MAPK10: variants seen among roughly 807,000 people sequenced by gnomAD.
MAPK10 encodes the protein mitogen-activated protein kinase 10.
In MAPK10, 25 loss-of-function variants were observed where a neutral mutation model predicts 59.3. The ratio of observed to expected loss-of-function variants is 0.42; its 90% CI spans 0.31 to 0.59. MAPK10 has a LOEUF of 0.59. Ranked by LOEUF, MAPK10 falls within the 20% of genes least tolerant of loss-of-function variation. MAPK10 has a pLI of 0.15. For synonymous variants in MAPK10, 190 were observed against 200.5 expected, an observed-to-expected ratio of 0.95 and a Z score of 0.44; for missense variants, 351 against 568.9, an observed-to-expected ratio of 0.62 and a Z score of 3.90.
chr4:86,272,130 G>T (rs1245992817), intron 2 of MAPK10, among the ~76,000 whole-genome samples: 2 of 151,976 alleles, frequency 1.3e-5, no homozygotes, highest in African/African-American at 4.8e-5. Context: ...TAGGATAATG[G>T]CCTCCAGTTG....
rs61747621 is a variant in MAPK10 at position 86,064,296 on chromosome 4, G to A, written c.1080C>T (p.Asn360=). The A allele has an allele frequency of 7.8e-4, 1,257 of 1,614,134 alleles. 4 individuals carry two copies. In the African/African-American group the frequency reaches 0.013, roughly 16 times the overall value. The change falls in exon 11 of 14, where the codon AAC becomes AAT. Residue 360 remains asparagine (N), a synonymous_variant. Transcript: ENST00000641462. ...CCACTTCGGCTGGGTCATACCAGACGTTGATGTAGGGATGCTGTAAGGCGT... is the reference window on the plus strand; with the variant it reads ...CCACTTCGGCTGGGTCATACCAGACATTGATGTAGGGATGCTGTAAGGCGT... ...VDDALQHPYI[N]VWYDPAEVEA...
chr4:86,112,780 G>A (rs984979254), intron 4 of MAPK10, among the ~76,000 whole-genome samples: 2 of 152,056 alleles, frequency 1.3e-5, no homozygotes, highest in African/African-American at 4.8e-5. Context: ...TTAATTTTTT[G>A]TCTCGATGAT....
chr4:86,044,003 A>C (rs959418000), intron 11 of MAPK10, among the ~76,000 whole-genome samples: 3 of 152,160 alleles, frequency 2.0e-5, no homozygotes, highest in African/African-American at 7.2e-5. Context: ...TATAGTTCCT[A>C]CTAATTCAAC....
chr4:86,209,290 A>C (rs2085110414), intron 2 of MAPK10, among the ~76,000 whole-genome samples: 1 of 152,150 alleles, frequency 6.6e-6, no homozygotes, highest in South Asian at 2.1e-4. Flanking sequence ...TGAAAATGAC[A>C]GTACTGATGT....
intron 1 of MAPK10, among the ~76,000 whole-genome samples, chr4:86,527,616 A>C (rs1386697961): frequency 6.6e-6 from 1 of 152,210 alleles, no homozygotes; most frequent in Non-Finnish European, 1.5e-5. Context: ...TTCTCAAAGC[A>C]CTTAAAACAG....
chr4:86,494,885 C>T (rs918529202), intron 1 of MAPK10, among the ~76,000 whole-genome samples: 2 of 114,314 alleles, frequency 1.7e-5, no homozygotes, highest in East Asian at 2.9e-4. Flanking sequence ...AAAAAAGCTT[C>T]ACATATTTTA....
At chr4:86,104,395 T>C (rs550645935) in intron 5 of MAPK10, among the ~76,000 whole-genome samples, 41 of 152,272 alleles carry the variant, frequency 2.7e-4, no homozygotes, top group Middle Eastern at 6.8e-3. Flanking sequence ...ATAAAATTGT[T>C]TTAAAATTAT....
At position 86,067,784 on chromosome 4, in the gene MAPK10, T is replaced by C. The variant is rs758628108; in HGVS notation, c.974A>G (p.Asn325Ser). ...DSLFPADSEH[N>S]KLKASQARDL... is the part of the protein sequence containing the mutation. ...CCTGAAGGGCATACCTTTGAGTTTA[T>C]TGTGCTCGGAGTCCGCTGGGAAGAG... The change falls in exon 10 of 14, where the codon AAT becomes AGT. Residue 325 changes from asparagine to serine, a missense_variant. By Grantham distance (46) the Asn-to-Ser change is conservative. Coordinates refer to ENST00000641462, the MANE Select transcript of MAPK10 (RefSeq NM_138982.4). The C allele has an allele frequency of 1.2e-6, 2 of 1,611,198 alleles. No homozygotes were observed. The highest frequency in any genetic ancestry group is 1.3e-5 in the African/African-American group (1 of 74,946).
intron 1 of MAPK10, among the ~76,000 whole-genome samples, chr4:86,581,688 G>A (rs1210843990): frequency 1.4e-5 from 2 of 142,032 alleles, no homozygotes; most frequent in African/African-American, 2.9e-5. Context: ...GTGTGTGTGT[G>A]TGTGTGTGTG....
intron 1 of MAPK10, among the ~76,000 whole-genome samples, chr4:86,538,985 T>C: frequency 6.6e-6 from 1 of 152,336 alleles, no homozygotes; most frequent in South Asian, 2.1e-4. Context: ...TAAAAATCTT[T>C]TTTTAAAAAT....
intron 4 of MAPK10, among the ~76,000 whole-genome samples, chr4:86,119,311 A>G (rs1471467060): frequency 5.9e-5 from 9 of 152,162 alleles, no homozygotes; most frequent in Admixed American, 1.3e-4. Context: ...GGGAATAAAA[A>G]GCCAATAGGG....
At chr4:86,392,027 C>T (rs918052345) in intron 1 of MAPK10, among the ~76,000 whole-genome samples, 13 of 152,124 alleles carry the variant, frequency 8.5e-5, no homozygotes, top group Admixed American at 3.9e-4. Context: ...TTCTAAAATT[C>T]CCTCTGCAGC....
intron 9 of MAPK10, chr4:86,081,842 T>C (rs1392482552): frequency 6.6e-6 from 1 of 151,578 alleles, no homozygotes; most frequent in Non-Finnish European, 1.5e-5. Context: ...ACATGTGCTC[T>C]TATAAGCATA....
At chr4:86,276,939 C>T (rs968758445) in intron 2 of MAPK10, 3 of 152,144 alleles carry the variant, frequency 2.0e-5, no homozygotes, top group African/African-American at 7.2e-5. Context: ...TTAACCATTG[C>T]TATAAACTGC....
In MAPK10 at chr4:86,014,774, G is replaced by C. The variant is rs975013590; in HGVS notation, c.*2454C>G. The C allele has an allele frequency of 6.6e-6, 1 of 152,180 alleles. No individual in the cohort carries two copies. Among genetic ancestry groups the C allele is most frequent in the Non-Finnish European group, 1.5e-5 (1 of 68,074 alleles). The allele number at this position is 152,180 out of a possible 1,614,324, so 9.4% of individuals were successfully genotyped here. A position where few individuals can be genotyped will look rare whatever the true frequency, so the allele number is the denominator to read the frequency against. On this transcript the variant is annotated 3_prime_UTR_variant, in exon 14 of 14. Transcript: ENST00000641462. ...ATTCACCACTTATGCAGGTACGAGA[G>C]ATAGCCTGTCAAGCACTTTGAAGAT... is the stretch of plus-strand genomic sequence containing the variant.
chr4:86,213,432 T>C (rs1259147900), intron 2 of MAPK10, among the ~76,000 whole-genome samples: 1 of 151,910 alleles, frequency 6.6e-6, no homozygotes, highest in Non-Finnish European at 1.5e-5. Context: ...TTTAAAAAGA[T>C]TAACAAAATT....
chr4:86,031,337 A>T (rs1200744847), intron 12 of MAPK10, 31 bp downstream of exon 12: 3 of 1,480,256 alleles, frequency 2.0e-6, no homozygotes, highest in Non-Finnish European at 9.4e-7. Flanking sequence ...CAATAAAATA[A>T]AAAGTATACT....
chr4:86,267,763 A>C (rs1298925065), intron 2 of MAPK10, among the ~76,000 whole-genome samples: 2 of 152,066 alleles, frequency 1.3e-5, no homozygotes, highest in African/African-American at 4.8e-5. Context: ...CTGGTCAAAC[A>C]ACACCTTATT....
At chr4:86,271,689 A>G (rs987124510) in intron 2 of MAPK10, among the ~76,000 whole-genome samples, 22 of 152,044 alleles carry the variant, frequency 1.4e-4, no homozygotes, top group Admixed American at 1.4e-3. Context: ...GAATCTTACA[A>G]TTATGGCAGA....
Sources: gnomAD v4.1 joint callset for allele counts (sites outside exome capture counted in the v4.1 genomes callset) on GRCh38, gnomAD v4.1.1 for gene constraint, MANE v1.5 for transcripts, NCBI Gene and HGNC (gene_info 2026-07-23, HGNC 2026-07-21) for gene names.